The following SDK1 variants were observed in gnomAD, a reference collection of about 807,000 sequenced individuals.
The protein encoded by SDK1 is protein sidekick-1.
Under a neutral mutation model 245.5 loss-of-function variants are expected in SDK1, and 157 were observed. That is an observed-to-expected ratio of 0.64 (90% CI 0.56 to 0.73). SDK1 has a LOEUF of 0.73. Ranked by LOEUF, SDK1 falls within the 30% of genes least tolerant of loss-of-function variation. SDK1 has a pLI of 0.00. For synonymous variants in SDK1, 1,647 were observed against 1,278.5 expected (o/e 1.29, Z -6.15); for missense variants, 3,583 against 3,002.3 (o/e 1.19, Z -4.52).
intron 23 of SDK1, 93 bp from the exon 24 acceptor site, chr7:4,113,196 C>T: frequency 2.2e-6 from 3 of 1,357,994 alleles, no homozygotes; most frequent in Non-Finnish European, 3.1e-6. Flanking sequence ...TATCTGAGCC[C>T]TCCCTTGAGA....
intron 1 of SDK1, among the ~76,000 whole-genome samples, chr7:3,557,935 A>G (rs967155984): frequency 1.3e-5 from 2 of 152,192 alleles, no homozygotes; most frequent in African/African-American, 4.8e-5. Context: ...ATAGAAAAGT[A>G]TGCTTGTACA....
chr7:4,220,276 T>G lies in SDK1; in HGVS notation c.5701+6T>G. The stretch of plus-strand genomic sequence containing the variant: ...CACAGCCGGGCCAGCCGAGGGTAAG[T>G]GGAACTCCAGGGGCAGACAATGTCA... On this transcript the variant is annotated splice_donor_region_variant and intron_variant, in intron 39 of 44. Transcript: ENST00000404826. The G allele has an allele frequency of 6.2e-7, 1 of 1,611,884 alleles. No homozygotes were observed. Among genetic ancestry groups the G allele is most frequent in the Non-Finnish European group, 8.5e-7 (1 of 1,178,492 alleles).
intron 1 of SDK1, among the ~76,000 whole-genome samples, chr7:3,445,139 A>G (rs1744016038): frequency 6.6e-6 from 1 of 152,202 alleles, no homozygotes; most frequent in African/African-American, 2.4e-5. Flanking sequence ...GATTTATATT[A>G]AAAACCTACT....
intron 1 of SDK1, among the ~76,000 whole-genome samples, chr7:3,492,937 ATTTAT>A (rs1781907712): frequency 6.6e-6 from 1 of 151,926 alleles, no homozygotes; most frequent in Admixed American, 6.6e-5. Context: ...CAAAGAGAAG[ATTTAT>A]TTTATTTTTT....
chr7:4,011,437 G>A (rs1406128206), intron 15 of SDK1, among the ~76,000 whole-genome samples: 3 of 152,172 alleles, frequency 2.0e-5, no homozygotes, highest in Non-Finnish European at 4.4e-5. Context: ...CGTGTTCTTT[G>A]TCCACCCCAC....
At chr7:3,761,261 T>G (rs1029403825) in intron 4 of SDK1, among the ~76,000 whole-genome samples, 10 of 30,348 alleles carry the variant, frequency 3.3e-4, no homozygotes, top group Admixed American at 1.3e-3. Context: ...CCCCCCCTCC[T>G]TTTTTTTTTT....
intron 14 of SDK1, among the ~76,000 whole-genome samples, chr7:3,987,976 A>AT (rs1562626082): frequency 6.6e-6 from 1 of 151,788 alleles, no homozygotes; most frequent in African/African-American, 2.4e-5. Context: ...CACTCCTGTG[A>AT]TTTTAAGTGG....
At chr7:3,819,924 A>G (rs1779600526) in intron 4 of SDK1, among the ~76,000 whole-genome samples, 2 of 152,192 alleles carry the variant, frequency 1.3e-5, no homozygotes, top group Non-Finnish European at 2.9e-5. Flanking sequence ...CATGCTTTTG[A>G]TGTTACCAGA....
chr7:4,136,341 G>A (rs1368699026), intron 28 of SDK1, among the ~76,000 whole-genome samples: 2 of 152,208 alleles, frequency 1.3e-5, no homozygotes, highest in Non-Finnish European at 2.9e-5. Context: ...TCACAGGGGA[G>A]AAAGCAAAAC....
chr7:3,918,502 T>C (rs2128111818), intron 5 of SDK1, among the ~76,000 whole-genome samples: 1 of 152,328 alleles, frequency 6.6e-6, no homozygotes, highest in African/African-American at 2.4e-5. Flanking sequence ...CACCCCCGGA[T>C]AGGACCGTAA....
intron 42 of SDK1, among the ~76,000 whole-genome samples, 177 bp downstream of exon 42, chr7:4,237,961 C>T (rs1018266544): frequency 1.1e-4 from 17 of 152,178 alleles, no homozygotes; most frequent in Admixed American, 2.0e-4. Flanking sequence ...GTGCAGCAAA[C>T]GCTCTATGCC....
intron 5 of SDK1, among the ~76,000 whole-genome samples, chr7:3,876,935 C>G (rs954474714): frequency 6.6e-6 from 1 of 152,184 alleles, no homozygotes; most frequent in Non-Finnish European, 1.5e-5. Flanking sequence ...TAAACGAATT[C>G]TACTTTGTTC....
At chr7:4,097,398 C>T (rs1460575617) in intron 22 of SDK1, among the ~76,000 whole-genome samples, 1 of 152,238 alleles carries the variant, frequency 6.6e-6, no homozygotes, top group Admixed American at 6.5e-5. Context: ...AGCAGTGCCG[C>T]ATCTCCCCTT....
intron 31 of SDK1, among the ~76,000 whole-genome samples, chr7:4,160,107 A>G (rs1355769831): frequency 6.6e-6 from 1 of 152,250 alleles, no homozygotes; most frequent in Non-Finnish European, 1.5e-5. Flanking sequence ...AATCTACTTA[A>G]AGTGGGGACC....
chr7:3,427,205 A>C (rs1779702801), intron 1 of SDK1, among the ~76,000 whole-genome samples: 2 of 152,188 alleles, frequency 1.3e-5, no homozygotes, highest in Non-Finnish European at 2.9e-5. Context: ...GAAAAAGTAA[A>C]ACTGGTATTG....
chr7:4,003,454 C>A (rs142693018), intron 14 of SDK1, among the ~76,000 whole-genome samples: 4 of 152,314 alleles, frequency 2.6e-5, no homozygotes, highest in Middle Eastern at 3.4e-3. Context: ...TGCCCCCTTC[C>A]GAGCTCCGCA....
At chr7:3,873,788 C>A (rs1222839606) in intron 5 of SDK1, among the ~76,000 whole-genome samples, 2 of 152,084 alleles carry the variant, frequency 1.3e-5, no homozygotes, top group East Asian at 3.8e-4. Context: ...CCATTTAATT[C>A]TTTTTCACTT....
At chr7:3,484,234 C>A (rs181411063) in intron 1 of SDK1, among the ~76,000 whole-genome samples, 24 of 152,298 alleles carry the variant, frequency 1.6e-4, no homozygotes, top group African/African-American at 5.3e-4. Flanking sequence ...AATTCACATC[C>A]CTCCAATACT....
At chr7:3,537,226 C>G (rs1229246140) in intron 1 of SDK1, among the ~76,000 whole-genome samples, 7 of 152,218 alleles carry the variant, frequency 4.6e-5, no homozygotes, top group African/African-American at 7.2e-5. Context: ...GAACTATGCA[C>G]TCTTGTGTCT....
Sources: allele counts gnomAD v4.1 joint callset (sites outside exome capture counted in the v4.1 genomes callset), GRCh38; gene constraint gnomAD v4.1.1; transcripts MANE v1.5; gene names NCBI Gene and HGNC (gene_info 2026-07-23, HGNC 2026-07-21).